IGF1R: variants seen among roughly 807,000 people sequenced by gnomAD.
The protein encoded by IGF1R is insulin-like growth factor 1 receptor.
A neutral mutation model predicts 144.6 loss-of-function variants in IGF1R; 44 were observed. That is an observed-to-expected ratio of 0.30 (90% confidence interval 0.24 to 0.39). The LOEUF (loss-of-function observed/expected upper bound fraction) is 0.39, where lower values mean the gene tolerates loss of function less well. Ranked by LOEUF, IGF1R falls within the 10% of genes least tolerant of loss-of-function variation. The pLI is 1.00. For synonymous variants in IGF1R, 795 were observed against 722.8 expected (o/e 1.10, Z -1.60); for missense variants, 1,355 against 1,833.7 (o/e 0.74, Z 4.77).
Position 98,685,721 on chromosome 15 carries a change from C to T in IGF1R, c.95-21841C>T, listed in dbSNP as rs141618599. 9.3e-4 allele frequency among the ~76,000 whole-genome samples: 141 copies of T among 152,332 alleles called. 1 individual carries two copies. Among genetic ancestry groups the T allele is most frequent in the African/African-American group, 3.3e-3 (137 of 41,570 alleles). On this transcript the variant is annotated intron_variant, in intron 1 of 20. Coordinates refer to ENST00000650285, the MANE Select transcript of IGF1R (RefSeq NM_000875.5). The stretch of plus-strand genomic sequence containing the variant: ...GAACAGGAGTGTGCAAGAACACCAG[C>T]GTGCTTCCAGTATTCAGGTCTAGCG...
chr15:98,738,466 T>C (rs946278878), intron 2 of IGF1R, among the ~76,000 whole-genome samples: 2 of 151,602 alleles, frequency 1.3e-5, no homozygotes, highest in South Asian at 2.1e-4. Flanking sequence ...AGCCCAGGAG[T>C]TCGAGGCTAA....
intron 13 of IGF1R, among the ~76,000 whole-genome samples, chr15:98,928,864 T>C (rs1207671565): frequency 6.6e-6 from 1 of 152,108 alleles, no homozygotes; most frequent in Admixed American, 6.5e-5. Flanking sequence ...GTAGCAGGAC[T>C]CAAATGTCTG....
chr15:98,775,748 T>TA (rs2055696991), intron 2 of IGF1R, among the ~76,000 whole-genome samples: 1 of 152,178 alleles, frequency 6.6e-6, no homozygotes, highest in African/African-American at 2.4e-5. Flanking sequence ...GGTTGCTTGT[T>TA]AAAGCTCACA....
chr15:98,762,227 T>C (rs2055319419), intron 2 of IGF1R, among the ~76,000 whole-genome samples: 1 of 127,418 alleles, frequency 7.8e-6, no homozygotes, highest in African/African-American at 3.0e-5. Flanking sequence ...ATTTTTCTTT[T>C]CTTTTCTTTT....
chr15:98,728,525 A>G (rs979692043), intron 2 of IGF1R, among the ~76,000 whole-genome samples: 1 of 152,246 alleles, frequency 6.6e-6, no homozygotes, highest in Non-Finnish European at 1.5e-5. Context: ...TTGTATTTGA[A>G]TAGGTCTCAT....
chr15:98,913,424 A>T, intron 8 of IGF1R, 142 bp downstream of exon 8: 1 of 779,614 alleles, frequency 1.3e-6, no homozygotes. Flanking sequence ...TGTCATATTC[A>T]TTTCCCCACT....
rs886051615 is a variant in IGF1R, at chr15:98,963,533, C to T, written c.*6091C>T. On this transcript the variant is annotated 3_prime_UTR_variant, in exon 21 of 21. Coordinates refer to ENST00000650285, the MANE Select transcript of IGF1R (RefSeq NM_000875.5). ...GTTGGAGCCCAGCAGTGCATGGCAC[C>T]GTTCGGCATCTGGCTTGATTGGTCT... 10 of 233,178 alleles carry T rather than the reference C, an allele frequency of 4.3e-5. No individual in the cohort carries two copies. The highest frequency in any genetic ancestry group is 2.2e-4 in the Admixed American group (4 of 17,788). The allele number at this position is 233,178 out of a possible 1,614,324, so 14.4% of individuals were successfully genotyped here. A position where few individuals can be genotyped will look rare whatever the true frequency, so the allele number is the denominator to read the frequency against.
In IGF1R at chr15:98,896,775, T is replaced by C; in HGVS notation, c.972T>C (p.Cys324=). Residue 324 remains cysteine, a synonymous_variant, in exon 4 of 21, where the codon TGT becomes TGC. Coordinates refer to ENST00000650285, the MANE Select transcript of IGF1R (RefSeq NM_000875.5). ...NGSQSMYCIP[C]EGPCPKVCEE... The stretch of plus-strand genomic sequence containing the variant: ...TCAACAGCATGTACTGCATCCCTTG[T>C]GAAGGTCCTTGCCCGAAGGTCTGTG... 2 of 1,614,120 alleles carry C rather than the reference T, an allele frequency of 1.2e-6. No individual in the cohort carries two copies. The highest frequency in any genetic ancestry group is 1.7e-6 in the Non-Finnish European group (2 of 1,180,004).
intron 5 of IGF1R, among the ~76,000 whole-genome samples, chr15:98,901,346 GA>G (rs2151659619): frequency 6.6e-6 from 1 of 152,322 alleles, no homozygotes; most frequent in South Asian, 2.1e-4. Context: ...CAGCTTCTAA[GA>G]GGCTCTTTCT....
At chr15:98,799,108 G>A (rs897016426) in intron 2 of IGF1R, among the ~76,000 whole-genome samples, 1 of 152,058 alleles carries the variant, frequency 6.6e-6, no homozygotes, top group African/African-American at 2.4e-5. Context: ...ATGTTTTGAT[G>A]GTTGAAGGGC....
chr15:98,939,323 T>C lies in IGF1R; in HGVS notation c.3420T>C (p.Asn1140=). The C allele has an allele frequency of 5.0e-6, 8 of 1,614,124 alleles. No homozygotes were observed. The highest frequency in any genetic ancestry group is 1.1e-5 in the South Asian group (1 of 91,054). ...TCCACAGAGACCTTGCTGCCCGGAATTGCATGGTAGCCGAAGATTTCACAG... is the reference window on the plus strand; with the variant it reads ...TCCACAGAGACCTTGCTGCCCGGAACTGCATGGTAGCCGAAGATTTCACAG... ...KFVHRDLAAR[N]CMVAEDFTVK... The change falls in exon 18 of 21, where the codon AAT becomes AAC. Residue 1140 remains asparagine, a synonymous_variant. Transcript: ENST00000650285.
intron 1 of IGF1R, among the ~76,000 whole-genome samples, chr15:98,652,716 A>G (rs1394712030): frequency 6.6e-6 from 1 of 152,218 alleles, no homozygotes; most frequent in Non-Finnish European, 1.5e-5. Flanking sequence ...AAACAAATCC[A>G]TAGAGGCAGA....
chr15:98,661,902 C>G (rs964970557), intron 1 of IGF1R, among the ~76,000 whole-genome samples: 1 of 151,228 alleles, frequency 6.6e-6, no homozygotes, highest in Middle Eastern at 3.2e-3. Context: ...TCTCTGGGGC[C>G]TCCAGTCCTC....
At chr15:98,748,339 T>A (rs2054920586) in intron 2 of IGF1R, among the ~76,000 whole-genome samples, 1 of 152,010 alleles carries the variant, frequency 6.6e-6, no homozygotes, top group Non-Finnish European at 1.5e-5. Flanking sequence ...GCAAATTTAT[T>A]ATTATTATTA....
At chr15:98,941,201 C>T (rs1440334755) in intron 18 of IGF1R, among the ~76,000 whole-genome samples, 1 of 152,188 alleles carries the variant, frequency 6.6e-6, no homozygotes, top group Non-Finnish European at 1.5e-5. Flanking sequence ...TAACAGACCC[C>T]ATGGGGTTAT....
chr15:98,919,360 C>T (rs966071291), intron 10 of IGF1R, among the ~76,000 whole-genome samples: 2 of 152,184 alleles, frequency 1.3e-5, no homozygotes, highest in Non-Finnish European at 2.9e-5. Context: ...TTTTCTCTAT[C>T]ATGGGCCCTT....
chr15:98,884,319 C>G (rs772530375), intron 2 of IGF1R, among the ~76,000 whole-genome samples: 1 of 152,174 alleles, frequency 6.6e-6, no homozygotes, highest in Non-Finnish European at 1.5e-5. Flanking sequence ...ACAAACTGCA[C>G]GCCAGGCATT....
intron 2 of IGF1R, among the ~76,000 whole-genome samples, chr15:98,806,385 A>G (rs1480276803): frequency 1.3e-5 from 2 of 152,132 alleles, no homozygotes; most frequent in Non-Finnish European, 2.9e-5. Context: ...GGGAGGGACA[A>G]GTTTGGGGCC....
intron 2 of IGF1R, among the ~76,000 whole-genome samples, chr15:98,766,125 G>A (rs2141362504): frequency 6.6e-6 from 1 of 152,334 alleles, no homozygotes; most frequent in Non-Finnish European, 1.5e-5. Flanking sequence ...GTACGGAGCA[G>A]TTCAAGGCCG....
Sources: gnomAD v4.1 joint callset for allele counts (sites outside exome capture counted in the v4.1 genomes callset) on GRCh38, gnomAD v4.1.1 for gene constraint, MANE v1.5 for transcripts, NCBI Gene and HGNC (gene_info 2026-07-23, HGNC 2026-07-21) for gene names.